Variants in SRPK1 observed in about 807,000 individuals in gnomAD.
SRPK1 encodes SRSF protein kinase 1.
Under a neutral mutation model 89.5 loss-of-function variants are expected in SRPK1, and 52 were observed. The observed-to-expected ratio is 0.58, with a 90% CI of 0.46 to 0.73. The LOEUF is 0.73. Ranked by LOEUF, SRPK1 falls within the 30% of genes least tolerant of loss-of-function variation. SRPK1 has a pLI of 0.00. For synonymous variants in SRPK1, 255 were observed against 270.2 expected, an observed-to-expected ratio of 0.94 and a Z score of 0.55; for missense variants, 603 against 780.6, an observed-to-expected ratio of 0.77 and a Z score of 2.71.
intron 8 of SRPK1, among the ~76,000 whole-genome samples, chr6:35,871,635 C>T (rs1015077499): frequency 2.0e-5 from 3 of 152,086 alleles, no homozygotes; most frequent in Non-Finnish European, 4.4e-5. Flanking sequence ...AAGTGTATAA[C>T]TAATAACTCA....
At chr6:35,838,876 C>T in intron 14 of SRPK1, 1 of 1,302,868 alleles carries the variant, frequency 7.7e-7, no homozygotes, top group Non-Finnish European at 1.0e-6. Context: ...TTTTCAAGGA[C>T]TAGCTGTTTA....
At chr6:35,904,593 G>A (rs1770809898) in intron 2 of SRPK1, among the ~76,000 whole-genome samples, 1 of 151,858 alleles carries the variant, frequency 6.6e-6, no homozygotes, top group Non-Finnish European at 1.5e-5. Context: ...GAGGTCAGGA[G>A]TTTAAGACCA....
chr6:35,915,271 G>T (rs1771062504), intron 2 of SRPK1, among the ~76,000 whole-genome samples: 1 of 151,992 alleles, frequency 6.6e-6, no homozygotes. Context: ...GCCAGGCATG[G>T]TGGCGGGCGC....
At chr6:35,903,251 C>A (rs1274916820) in intron 2 of SRPK1, among the ~76,000 whole-genome samples, 1 of 152,178 alleles carries the variant, frequency 6.6e-6, no homozygotes, top group East Asian at 1.9e-4. Flanking sequence ...GTGGCTCACG[C>A]CTGTAATCCC....
chr6:35,875,953 G>A (rs1294068592), intron 6 of SRPK1, among the ~76,000 whole-genome samples: 2 of 151,802 alleles, frequency 1.3e-5, no homozygotes, highest in Admixed American at 6.6e-5. Context: ...ATATGCATTC[G>A]AATGCATATT....
intron 6 of SRPK1, 22 bp from the exon 7 acceptor site, chr6:35,874,361 A>T (rs761714367): frequency 5.9e-6 from 9 of 1,535,970 alleles, no homozygotes; most frequent in Non-Finnish European, 8.1e-6. Flanking sequence ...TTAAGGAGGG[A>T]AAAAACGGCA....
At chr6:35,851,192 T>C (rs1769548619) in intron 13 of SRPK1, among the ~76,000 whole-genome samples, 1 of 151,136 alleles carries the variant, frequency 6.6e-6, no homozygotes, top group Non-Finnish European at 1.5e-5. Context: ...TTTTTTTTCT[T>C]TTTTTTTTGA....
intron 13 of SRPK1, among the ~76,000 whole-genome samples, chr6:35,854,560 C>G (rs1769627812): frequency 6.6e-6 from 1 of 152,110 alleles, no homozygotes; most frequent in South Asian, 2.1e-4. Context: ...ATTCCTTGGT[C>G]AAGAAAATTC....
chr6:35,902,065 C>T (rs1278389793), intron 2 of SRPK1, among the ~76,000 whole-genome samples: 1 of 151,742 alleles, frequency 6.6e-6, no homozygotes, highest in African/African-American at 2.4e-5. Context: ...GAAAATGAAA[C>T]ACCAACACAT....
intron 5 of SRPK1, among the ~76,000 whole-genome samples, chr6:35,887,594 C>T (rs1770437059): frequency 6.6e-6 from 1 of 152,018 alleles, no homozygotes; most frequent in Non-Finnish European, 1.5e-5. Flanking sequence ...TCTCAGTTTC[C>T]AGGTATAAAT....
chr6:35,838,745 G>A (rs1400707205), intron 14 of SRPK1: 1 of 1,406,394 alleles, frequency 7.1e-7, no homozygotes, highest in Admixed American at 1.9e-5. Context: ...TTCCCACTGA[G>A]GGAAAAGCGT....
At chr6:35,876,509 G>A (rs1770160656) in intron 6 of SRPK1, among the ~76,000 whole-genome samples, 1 of 152,128 alleles carries the variant, frequency 6.6e-6, no homozygotes, top group Admixed American at 6.5e-5. Context: ...AAGTGTGGTG[G>A]CGTGTGCCTG....
intron 5 of SRPK1, among the ~76,000 whole-genome samples, chr6:35,887,543 A>C (rs1770436579): frequency 6.6e-6 from 1 of 152,188 alleles, no homozygotes; most frequent in Non-Finnish European, 1.5e-5. Context: ...GCATATTCCT[A>C]ATTTAAAACA....
rs183976368 is a variant in SRPK1, at chr6:35,902,995, T to C, written c.75-11982A>G. ...AGTAGCACAATAATTAAAGGCAAAG[T>C]GGGCCAGACATGGTGACTCACACCT... On this transcript the variant is annotated intron_variant, in intron 2 of 15. Coordinates refer to ENST00000373825, the MANE Select transcript of SRPK1 (RefSeq NM_003137.5). Among the ~76,000 whole-genome samples, 9 of 151,940 alleles carry C rather than the reference T, an allele frequency of 5.9e-5. No homozygotes were observed. The East Asian group carries it at 1.7e-3, about 29-fold the overall frequency.
intron 2 of SRPK1, among the ~76,000 whole-genome samples, chr6:35,915,771 G>C (rs888593388): frequency 2.6e-5 from 4 of 151,892 alleles, no homozygotes; most frequent in African/African-American, 4.8e-5. Flanking sequence ...AGGAGATGGA[G>C]ACCATTCTGG....
chr6:35,899,265 T>C (rs1204775413), intron 2 of SRPK1, among the ~76,000 whole-genome samples: 1 of 152,172 alleles, frequency 6.6e-6, no homozygotes, highest in East Asian at 1.9e-4. Flanking sequence ...ACGTGATCTG[T>C]CTCTTCATTG....
At chr6:35,901,682 G>C (rs1311498843) in intron 2 of SRPK1, among the ~76,000 whole-genome samples, 2 of 152,156 alleles carry the variant, frequency 1.3e-5, no homozygotes, top group East Asian at 3.8e-4. Flanking sequence ...TAGATGTGAT[G>C]CAAAGATTTA....
intron 14 of SRPK1, 144 bp downstream of exon 14, chr6:35,842,391 T>C: frequency 1.9e-6 from 1 of 519,226 alleles, no homozygotes; most frequent in Non-Finnish European, 3.3e-6. Context: ...TAATATAAAA[T>C]GTCTTTTATA....
chr6:35,861,116 A>T (rs942282363), intron 12 of SRPK1, among the ~76,000 whole-genome samples: 2 of 152,248 alleles, frequency 1.3e-5, no homozygotes, highest in African/African-American at 4.8e-5. Flanking sequence ...GAACCAGAAC[A>T]GTCAGAAGAT....
Sources: gnomAD v4.1 joint callset for allele counts (sites outside exome capture counted in the v4.1 genomes callset) on GRCh38, gnomAD v4.1.1 for gene constraint, MANE v1.5 for transcripts, NCBI Gene and HGNC (gene_info 2026-07-23, HGNC 2026-07-21) for gene names.